The following C13orf42 variants were observed in gnomAD, a reference collection of about 807,000 sequenced individuals.
C13orf42 encodes the protein uncharacterized protein C13orf42.
chr13:51,165,360 T>C (rs1037005578), intron 1 of C13orf42, among the ~76,000 whole-genome samples: 1 of 152,220 alleles, frequency 6.6e-6, no homozygotes, highest in African/African-American at 2.4e-5. Flanking sequence ...CTATTGTTAG[T>C]GTGTTTCAAT....
intron 1 of C13orf42, among the ~76,000 whole-genome samples, chr13:51,121,480 G>T (rs1283562559): frequency 6.6e-6 from 1 of 151,588 alleles, no homozygotes; most frequent in African/African-American, 2.4e-5. Context: ...CCTTAAAATT[G>T]TGCATTCACT....
intron 1 of C13orf42, among the ~76,000 whole-genome samples, chr13:51,091,633 T>G (rs1953181198): frequency 6.6e-6 from 1 of 152,152 alleles, no homozygotes; most frequent in South Asian, 2.1e-4. Flanking sequence ...ATATCTATGC[T>G]GCCCTTTTCC....
chr13:51,118,248 G>T (rs1173877158), intron 1 of C13orf42, among the ~76,000 whole-genome samples: 1 of 150,742 alleles, frequency 6.6e-6, no homozygotes, highest in Non-Finnish European at 1.5e-5. Context: ...TCTGGACCTT[G>T]AGTAGTGACA....
intron 1 of C13orf42, among the ~76,000 whole-genome samples, chr13:51,155,306 A>G (rs1332548032): frequency 6.6e-6 from 1 of 152,238 alleles, no homozygotes; most frequent in South Asian, 2.1e-4. Flanking sequence ...TAAGAAGAGT[A>G]TAACTAGGGC....
upstream of C13orf42, among the ~76,000 whole-genome samples, chr13:51,115,666 G>A (rs1953483682): frequency 6.6e-6 from 1 of 152,166 alleles, no homozygotes; most frequent in Non-Finnish European, 1.5e-5. Flanking sequence ...CAGGGAGGTG[G>A]GGGTGATGGG....
intron 1 of C13orf42, among the ~76,000 whole-genome samples, chr13:51,163,951 C>T (rs931421941): frequency 2.0e-5 from 3 of 151,962 alleles, no homozygotes; most frequent in East Asian, 1.9e-4. Flanking sequence ...AACAAGCAAA[C>T]GGCAGGAGAG....
At chr13:51,126,610 T>C (rs1022836824) in intron 1 of C13orf42, among the ~76,000 whole-genome samples, 1 of 152,180 alleles carries the variant, frequency 6.6e-6, no homozygotes, top group African/African-American at 2.4e-5. Flanking sequence ...TGGAAGGTGC[T>C]AGGCAAAAAG....
chr13:51,102,181 C>A (rs1341590592), intron 1 of C13orf42, among the ~76,000 whole-genome samples: 1 of 152,196 alleles, frequency 6.6e-6, no homozygotes, highest in Admixed American at 6.5e-5. Flanking sequence ...AGCTCCCCAG[C>A]CCCCGCCAGT....
chr13:51,113,317 C>G (rs1197034842), upstream of C13orf42: 1 of 152,084 alleles, frequency 6.6e-6, no homozygotes, highest in Non-Finnish European at 1.5e-5. Flanking sequence ...CAGCCATGAC[C>G]CAGCAGCTGA....
Position 51,085,397 on chromosome 13 carries a change from C to A in C13orf42, c.725G>T (p.Arg242Met). 1 of 398,580 alleles carries A rather than the reference C, an allele frequency of 2.5e-6. No individual in the cohort carries two copies. The highest frequency in any genetic ancestry group is 1.3e-4 in the South Asian group (1 of 7,856). The allele number at this position is 398,580 out of a possible 1,614,324, so 24.7% of individuals were successfully genotyped here. A position where few individuals can be genotyped will look rare whatever the true frequency, so the allele number is the denominator to read the frequency against. The stretch of plus-strand genomic sequence containing the variant: ...AGCCTTGGGCAAATAAATGGGGTGC[C>A]TCTCGAGTCTCCTCTGAGTGCCCAC... ...RTVGTQRRLERHPIYLPKAVE... is the reference protein window; with the variant it reads ...RTVGTQRRLEMHPIYLPKAVE... Residue 242 changes from arginine to methionine, a missense_variant, in exon 3 of 4, where the codon AGG becomes ATG. Transcript: ENST00000563710.
intron 1 of C13orf42, among the ~76,000 whole-genome samples, chr13:51,108,357 T>C (rs891781439): frequency 3.3e-5 from 5 of 152,172 alleles, no homozygotes; most frequent in Admixed American, 3.3e-4. Context: ...AAACCTGGAA[T>C]GTCAGCAGAG....
intron 3 of C13orf42, among the ~76,000 whole-genome samples, chr13:51,084,571 T>C (rs1304374880): frequency 6.6e-6 from 1 of 152,202 alleles, no homozygotes; most frequent in African/African-American, 2.4e-5. Flanking sequence ...GTCCAGTGCA[T>C]GGTCTGTTAC....
At chr13:51,153,622 T>G (rs1305710185) in intron 1 of C13orf42, among the ~76,000 whole-genome samples, 1 of 139,488 alleles carries the variant, frequency 7.2e-6, no homozygotes, top group African/African-American at 2.8e-5. Context: ...TTGCTTTCTG[T>G]TTTTTTTCTT....
rs112917281 is a variant in C13orf42, at chr13:51,119,395, G to A, written n.137-6173C>T. On this transcript the variant is annotated intron_variant and non_coding_transcript_variant, in intron 1 of 4. Transcript: ENST00000433280. ...TGTGAATGGCTCAAAAAGAGTCCTC[G>A]TTTGTCTGATCAGCTTGTCTCTAGC... Among the ~76,000 whole-genome samples the A allele has an allele frequency of 6.3e-3, 964 of 152,224 alleles. 11 individuals are homozygous for A. Among genetic ancestry groups the A allele is most frequent in the African/African-American group, 0.022 (901 of 41,506 alleles).
intron 1 of C13orf42, among the ~76,000 whole-genome samples, chr13:51,108,415 T>C (rs1388668087): frequency 6.6e-6 from 1 of 152,174 alleles, no homozygotes; most frequent in East Asian, 1.9e-4. Flanking sequence ...AAAGGATTCC[T>C]TCTGGTCCCC....
intron 1 of C13orf42, among the ~76,000 whole-genome samples, chr13:51,118,950 G>A (rs1566131584): frequency 6.6e-6 from 1 of 151,984 alleles, no homozygotes; most frequent in Non-Finnish European, 1.5e-5. Context: ...ATGCTCTGGT[G>A]TATGGTGTGC....
chr13:51,148,356 C>A (rs1953754469), intron 1 of C13orf42, among the ~76,000 whole-genome samples: 1 of 152,206 alleles, frequency 6.6e-6, no homozygotes, highest in African/African-American at 2.4e-5. Flanking sequence ...CACGCACGGC[C>A]CCTGCCCTCA....
intron 1 of C13orf42, among the ~76,000 whole-genome samples, chr13:51,157,260 C>T (rs1488726994): frequency 2.6e-5 from 4 of 152,048 alleles, no homozygotes; most frequent in African/African-American, 9.7e-5. Context: ...ATGGTGAAAC[C>T]CCATCCCTAC....
intron 1 of C13orf42, among the ~76,000 whole-genome samples, chr13:51,089,929 A>T (rs1360870215): frequency 6.6e-6 from 1 of 151,958 alleles, no homozygotes; most frequent in Non-Finnish European, 1.5e-5. Context: ...AATGTGATGG[A>T]GCAGGAGGAC....
Sources: allele counts gnomAD v4.1 joint callset (sites outside exome capture counted in the v4.1 genomes callset), GRCh38; gene constraint gnomAD v4.1.1; transcripts MANE v1.5; gene names NCBI Gene and HGNC (gene_info 2026-07-23, HGNC 2026-07-21).